The following ARHGAP12 variants were observed in gnomAD, a reference collection of about 807,000 sequenced individuals.
ARHGAP12 encodes the protein Rho GTPase activating protein 12, also known as rho GTPase-activating protein 12.
In ARHGAP12, 64 loss-of-function variants were observed where a neutral mutation model predicts 108.6. That is an observed-to-expected ratio of 0.59 (90% CI 0.48 to 0.73). ARHGAP12 has a LOEUF of 0.73. ARHGAP12 is among the 30% of genes least tolerant of loss of function. The pLI, the probability that ARHGAP12 is intolerant of heterozygous loss-of-function variation, is 0.00. For missense variants in ARHGAP12, 940 were observed against 1,005.9 expected (o/e 0.93, Z 0.89); for synonymous variants, 312 against 337.2 (o/e 0.93, Z 0.82).
intron 3 of ARHGAP12, among the ~76,000 whole-genome samples, chr10:31,862,015 G>C (rs186434629): frequency 1.3e-5 from 2 of 152,268 alleles, no homozygotes; most frequent in East Asian, 1.9e-4. Flanking sequence ...CAAGAAATGA[G>C]GGAATTGGAC....
chr10:31,901,470 T>C (rs1838920829), intron 3 of ARHGAP12, among the ~76,000 whole-genome samples: 1 of 142,540 alleles, frequency 7.0e-6, no homozygotes, highest in Non-Finnish European at 1.5e-5. Flanking sequence ...AAGTGGAAGG[T>C]TGCAGTGAGG....
chr10:31,861,522 T>C lies in ARHGAP12; in HGVS notation c.821A>G (p.His274Arg), dbSNP rs1445061586. 3 of 1,614,154 alleles carry C rather than the reference T, an allele frequency of 1.9e-6. No individual in the cohort carries two copies. The highest frequency in any genetic ancestry group is 2.5e-6 in the Non-Finnish European group (3 of 1,180,030). Residue 274 changes from histidine to arginine, a missense_variant, in exon 4 of 20, where the codon CAT (histidine) becomes CGT (arginine). His to Arg is a conservative substitution (Grantham distance 29). Transcript: ENST00000344936. The part of the protein sequence containing the change: ...AIQINGEWET[H>R]KDSSGRCYYY... ...ATAGCAACGCCCTGAGCTGTCTTTA[T>C]GAGTTTCCCATTCTCCATTAATCTG...
At chr10:31,907,016 C>CTAG (rs1195583319) in intron 3 of ARHGAP12, among the ~76,000 whole-genome samples, 16 of 152,146 alleles carry the variant, frequency 1.1e-4, no homozygotes, top group Admixed American at 1.0e-3. Context: ...ATCTCAAACA[C>CTAG]TAGAAGTTTT....
At chr10:31,840,215 T>C (rs11591529) in intron 7 of ARHGAP12, among the ~76,000 whole-genome samples, 35,980 of 151,836 alleles carry the variant, frequency 0.24, 4,535 homozygotes, top group Non-Finnish European at 0.29. Context: ...AGGTAATTTA[T>C]AGAAAACTTT....
At chr10:31,894,049 C>CCTT (rs1838570832) in intron 3 of ARHGAP12, among the ~76,000 whole-genome samples, 1 of 152,060 alleles carries the variant, frequency 6.6e-6, no homozygotes, top group Non-Finnish European at 1.5e-5. Context: ...ATTCAACAGC[C>CCTT]CTTCATGCTA....
chr10:31,926,130 TA>T (rs1033464855), intron 1 of ARHGAP12, among the ~76,000 whole-genome samples: 4 of 152,162 alleles, frequency 2.6e-5, no homozygotes, highest in Admixed American at 1.3e-4. Flanking sequence ...CTATGCACGT[TA>T]AAATTTGAGA....
At position 31,810,665 on chromosome 10, in the gene ARHGAP12, T is replaced by C; in HGVS notation, c.2034A>G (p.Glu678=). 1 of 1,597,220 alleles carries C rather than the reference T, an allele frequency of 6.3e-7. No individual in the cohort carries two copies. Among genetic ancestry groups the C allele is most frequent in the Non-Finnish European group, 8.5e-7 (1 of 1,173,542 alleles). Residue 678 remains glutamate (E), a synonymous_variant, in exon 16 of 20, where the codon GAA becomes GAG. Transcript: ENST00000344936. ...TVPKFVKLCI[E]HVEEHGLDID... is the part of the protein sequence containing the mutation. ...TTCTCTTACCATGTTCTTCAACATG[T>C]TCAATACATAACTTCACAAACTTTG...
chr10:31,863,573 T>C (rs1319612953), intron 3 of ARHGAP12, among the ~76,000 whole-genome samples: 2 of 152,138 alleles, frequency 1.3e-5, no homozygotes, highest in Admixed American at 6.5e-5. Flanking sequence ...GCACAATCTA[T>C]AAGGCTAGCA....
intron 3 of ARHGAP12, among the ~76,000 whole-genome samples, chr10:31,874,973 CAAAAAAAAAAAAA>C (rs59050160): frequency 1.7e-5 from 1 of 58,312 alleles, no homozygotes; most frequent in Non-Finnish European, 3.0e-5. Flanking sequence ...GACTCTGTCT[CAAAAAAAAAAAAA>C]AAAAAAAAAA....
At chr10:31,899,935 C>T (rs1420675484) in intron 3 of ARHGAP12, among the ~76,000 whole-genome samples, 1 of 152,066 alleles carries the variant, frequency 6.6e-6, no homozygotes, top group Non-Finnish European at 1.5e-5. Context: ...AATGAAAAGA[C>T]AAGCTACAGA....
At chr10:31,807,868 TAAGA>T in intron 19 of ARHGAP12, 36 bp from the exon 20 acceptor site, 13 of 1,431,482 alleles carry the variant, frequency 9.1e-6, no homozygotes, top group Non-Finnish European at 1.2e-5. Context: ...AAAGAGAAAA[TAAGA>T]GAGAGGGAAA....
At chr10:31,895,494 C>G (rs1381957950) in intron 3 of ARHGAP12, among the ~76,000 whole-genome samples, 1 of 152,168 alleles carries the variant, frequency 6.6e-6, no homozygotes, top group Non-Finnish European at 1.5e-5. Flanking sequence ...TGAAAAAATG[C>G]TCACCATCAC....
chr10:31,902,268 T>C (rs1838957937), intron 3 of ARHGAP12, among the ~76,000 whole-genome samples: 1 of 151,492 alleles, frequency 6.6e-6, no homozygotes, highest in Non-Finnish European at 1.5e-5. Context: ...TAGAAGACAA[T>C]TTATTGGAGG....
At chr10:31,921,374 A>C (rs977585210) in intron 1 of ARHGAP12, among the ~76,000 whole-genome samples, 1 of 152,240 alleles carries the variant, frequency 6.6e-6, no homozygotes, top group Non-Finnish European at 1.5e-5. Context: ...TAGTGCTCAG[A>C]CAAAACTTAC....
chr10:31,891,979 C>T (rs572769445), intron 3 of ARHGAP12, among the ~76,000 whole-genome samples: 12 of 152,032 alleles, frequency 7.9e-5, no homozygotes, highest in African/African-American at 1.4e-4. Flanking sequence ...GTTAGCCATT[C>T]GTCTAATCTT....
intron 6 of ARHGAP12, among the ~76,000 whole-genome samples, chr10:31,851,843 T>C (rs1316044367): frequency 2.6e-5 from 4 of 152,228 alleles, no homozygotes; most frequent in Non-Finnish European, 4.4e-5. Context: ...ATGTAACAAC[T>C]GACACCACAT....
At chr10:31,885,716 G>A (rs11008679) in intron 3 of ARHGAP12, among the ~76,000 whole-genome samples, 7,777 of 151,954 alleles carry the variant, frequency 0.051, 648 homozygotes, top group African/African-American at 0.18. Flanking sequence ...CTACTCAGGA[G>A]GCTGAGGCAC....
At chr10:31,915,324 C>A (rs7908614) in intron 1 of ARHGAP12, among the ~76,000 whole-genome samples, 35,972 of 149,444 alleles carry the variant, frequency 0.24, 4,554 homozygotes, top group Non-Finnish European at 0.29. Flanking sequence ...AGGCGGAGGT[C>A]GTGGTGGGCC....
At chr10:31,873,957 T>C (rs1837630976) in intron 3 of ARHGAP12, among the ~76,000 whole-genome samples, 1 of 152,226 alleles carries the variant, frequency 6.6e-6, no homozygotes, top group African/African-American at 2.4e-5. Context: ...GCCATTATTA[T>C]AAATCTCCCT....
Sources: gnomAD v4.1 joint callset for allele counts (sites outside exome capture counted in the v4.1 genomes callset) on GRCh38, gnomAD v4.1.1 for gene constraint, MANE v1.5 for transcripts, NCBI Gene and HGNC (gene_info 2026-07-23, HGNC 2026-07-21) for gene names.